Variants in ZSCAN4 observed in about 807,000 individuals in gnomAD.
The protein encoded by ZSCAN4 is zinc finger and SCAN domain-containing protein 4.
Under a neutral mutation model 18.3 loss-of-function variants are expected in ZSCAN4, and 18 were observed. The observed-to-expected ratio is 0.98, with a 90% CI of 0.68 to 1.46. The LOEUF (loss-of-function observed/expected upper bound fraction) is 1.46. ZSCAN4 is among the 40% of genes most tolerant of loss of function. The pLI, the probability that ZSCAN4 is intolerant of heterozygous loss-of-function variation, is 0.00. For missense variants in ZSCAN4, 498 were observed against 511.4 expected (o/e 0.97, Z 0.25); for synonymous variants, 193 against 180.3 (o/e 1.07, Z -0.57).
chr19:57,671,510 AAGAG>A (rs1555752299), intron 2 of ZSCAN4, among the ~76,000 whole-genome samples: 11 of 146,640 alleles, frequency 7.5e-5, no homozygotes, highest in Admixed American at 3.4e-4. Context: ...AAAAAAAAAA[AAGAG>A]AGAGAGAGAG....
the ZSCAN4 span, among the ~76,000 whole-genome samples, chr19:57,660,143 T>C: frequency 6.6e-6 from 1 of 152,346 alleles, no homozygotes; most frequent in African/African-American, 2.4e-5. Flanking sequence ...GAGTAACTCA[T>C]GCTTTTCAAG....
At chr19:57,664,002 G>C (rs1206266113), upstream of ZSCAN4, among the ~76,000 whole-genome samples, 1 of 151,800 alleles carries the variant, frequency 6.6e-6, no homozygotes, top group Non-Finnish European at 1.5e-5. Context: ...CTAGCTGAAG[G>C]CACCTGTAGT....
chr19:57,651,955 C>T, the ZSCAN4 span, among the ~76,000 whole-genome samples: 2 of 152,080 alleles, frequency 1.3e-5, no homozygotes, highest in African/African-American at 4.8e-5. Flanking sequence ...GAGAGAACTC[C>T]CCAGTCACCA....
At chr19:57,666,371 G>A (rs1344310114), upstream of ZSCAN4, among the ~76,000 whole-genome samples, 4 of 152,226 alleles carry the variant, frequency 2.6e-5, no homozygotes, top group East Asian at 7.7e-4. Flanking sequence ...GTAGCTTTTA[G>A]CTAATGGAGT....
At chr19:57,677,128 T>C (rs1984210708) in intron 3 of ZSCAN4, among the ~76,000 whole-genome samples, 1 of 152,224 alleles carries the variant, frequency 6.6e-6, no homozygotes. Flanking sequence ...TGACAAGAGC[T>C]TGTTCTTCTG....
Position 57,678,261 on chromosome 19 carries a change from A to G in ZSCAN4, c.658A>G (p.Ile220Val), listed in dbSNP as rs748808775. 2.5e-6 allele frequency: 4 copies of G among 1,614,206 alleles called. No homozygotes were observed. Among genetic ancestry groups the G allele is most frequent in the Non-Finnish European group, 3.4e-6 (4 of 1,180,050 alleles). Residue 220 changes from isoleucine to valine, a missense_variant, in exon 5 of 5, where the codon ATC becomes GTC. Ile to Val is a conservative substitution (Grantham distance 29). Coordinates refer to ENST00000318203, the Ensembl canonical transcript of ZSCAN4. ...TCAAGGCAATCAAATAGTTTCCCTA[A>G]TCATCATCCAGGAAGAGAACGGTCC...
chr19:57,666,114 T>A (rs1983842374), upstream of ZSCAN4, among the ~76,000 whole-genome samples: 1 of 152,150 alleles, frequency 6.6e-6, no homozygotes, highest in Admixed American at 6.5e-5. Context: ...ATGCGCTTTT[T>A]AAAAAGGAAC....
At chr19:57,659,557 G>A in the ZSCAN4 span, among the ~76,000 whole-genome samples, 2 of 151,936 alleles carry the variant, frequency 1.3e-5, no homozygotes, top group Admixed American at 1.3e-4. Flanking sequence ...CGCTGCACCT[G>A]GTCTCAATAA....
In ZSCAN4 at chr19:57,678,163, C is replaced by A; in HGVS notation, c.563-3C>A. On this transcript the variant is annotated splice_region_variant and splice_polypyrimidine_tract_variant and intron_variant, in intron 4 of 4. Coordinates refer to ENST00000318203, the Ensembl canonical transcript of ZSCAN4. Reference sequence around the variant, plus strand: ...CAACTTCATTGAGTGTCTATTTTCACAGGATATGAAGATGAACAAGATGGC... The same window carrying A: ...CAACTTCATTGAGTGTCTATTTTCAAAGGATATGAAGATGAACAAGATGGC... The A allele has an allele frequency of 6.2e-7, 1 of 1,611,044 alleles. No individual in the cohort carries two copies.
chr19:57,660,127 C>T, the ZSCAN4 span, among the ~76,000 whole-genome samples: 1 of 152,142 alleles, frequency 6.6e-6, no homozygotes, highest in African/African-American at 2.4e-5. Flanking sequence ...ACACCAGATG[C>T]CAAGTGAGTA....
upstream of ZSCAN4, among the ~76,000 whole-genome samples, chr19:57,667,486 G>A (rs56204406): frequency 0.17 from 25,760 of 152,132 alleles, 2,258 homozygotes; most frequent in East Asian, 0.26. Context: ...GAGTTATTTA[G>A]GATCTACTTT....
exon 3 of ZSCAN4, chr19:57,676,467 T>G: frequency 6.2e-7 from 1 of 1,614,078 alleles, no homozygotes; most frequent in Non-Finnish European, 8.5e-7. Flanking sequence ...GAAAGAGAAA[T>G]GGAAATCAAG....
At chr19:57,670,939 C>T (rs1240029752) in intron 2 of ZSCAN4, among the ~76,000 whole-genome samples, 3 of 151,826 alleles carry the variant, frequency 2.0e-5, no homozygotes, top group Non-Finnish European at 2.9e-5. Context: ...CAGCTCACTG[C>T]AGCTTCAGCC....
the ZSCAN4 span, among the ~76,000 whole-genome samples, chr19:57,659,678 T>C: frequency 2.6e-5 from 4 of 152,210 alleles, no homozygotes; most frequent in Admixed American, 6.5e-5. Flanking sequence ...GTTACCTTTG[T>C]TCTATGGGAT....
At chr19:57,668,918 G>T (rs1262802591), upstream of ZSCAN4, 1 of 152,106 alleles carries the variant, frequency 6.6e-6, no homozygotes, top group African/African-American at 2.4e-5. Context: ...CACAGCATTA[G>T]CCTTGCCCTC....
exon 3 of ZSCAN4, chr19:57,676,185 T>A: frequency 1.9e-6 from 3 of 1,614,062 alleles, no homozygotes; most frequent in Non-Finnish European, 2.5e-6. Flanking sequence ...GTGTGAACCA[T>A]CCGAGAATAA....
At chr19:57,677,945 T>C in exon 4 of ZSCAN4, 3 of 1,565,660 alleles carry the variant, frequency 1.9e-6, no homozygotes, top group Non-Finnish European at 2.6e-6. Flanking sequence ...CAGGAAGCTC[T>C]CTTTTCTGAG....
intron 2 of ZSCAN4, 103 bp from the exon 3 acceptor site, chr19:57,675,938 C>A: frequency 2.0e-6 from 1 of 493,018 alleles, no homozygotes; most frequent in Non-Finnish European, 3.5e-6. Flanking sequence ...ATAATTATTT[C>A]TTTGAATTCA....
upstream of ZSCAN4, among the ~76,000 whole-genome samples, chr19:57,668,517 C>T (rs1166244447): frequency 6.6e-6 from 1 of 152,140 alleles, no homozygotes; most frequent in Non-Finnish European, 1.5e-5. Context: ...GGGGGACAAT[C>T]TAAGCCCCAA....
Sources: allele counts gnomAD v4.1 joint callset (sites outside exome capture counted in the v4.1 genomes callset), GRCh38; gene constraint gnomAD v4.1.1; transcripts MANE v1.5; gene names NCBI Gene and HGNC (gene_info 2026-07-23, HGNC 2026-07-21).